EPPK1: variants seen among roughly 807,000 people sequenced by gnomAD.
EPPK1 encodes epiplakin.
For synonymous variants in EPPK1, 1,862 were observed against 1,721.2 expected (o/e 1.08, Z -2.03); for missense variants, 3,823 against 3,673.3 (o/e 1.04, Z -1.05).
chr8:143,867,266 C>T lies in EPPK1; in HGVS notation c.5988G>A (p.Gln1996=), dbSNP rs781951419. The change falls in exon 2 of 2, where the codon CAG becomes CAA. Residue 1996 remains glutamine (Q), a synonymous_variant. Transcript: ENST00000615648. ...TIPLFQAMQK[Q]LIEKAEALRL... ...TCAGTGCCTCCGCCTTCTCGATGAG[C>T]TGCTTCTGCATGGCCTGGAACAGCG... 6.8e-6 allele frequency: 11 copies of T among 1,612,386 alleles called. No individual in the cohort carries two copies. Among genetic ancestry groups the T allele is most frequent in the Admixed American group, 1.7e-5 (1 of 59,982 alleles).
rs782367356 is a variant in EPPK1 at position 143,871,449 on chromosome 8, A to G, written c.1805T>C (p.Val602Ala). The change falls in exon 2 of 2, where the codon GTG becomes GCG. Residue 602 changes from valine to alanine, a missense_variant. Transcript: ENST00000615648. The stretch of plus-strand genomic sequence containing the variant: ...GCCCGTACCCTGCAGGTACCTCTGC[A>G]CCGAGGCCAGGCTGCCCACATCCTT... ...TAKDVGSLAS[V>A]QRYLQGTGCI... The G allele has an allele frequency of 1.2e-6, 2 of 1,606,494 alleles. No homozygotes were observed. Among genetic ancestry groups the G allele is most frequent in the East Asian group, 4.5e-5 (2 of 44,620 alleles).
chr8:143,868,161 C>G lies in EPPK1; in HGVS notation c.5093G>C (p.Arg1698Pro). 6.2e-7 allele frequency: 1 copy of G among 1,613,134 alleles called. No homozygotes were observed. Among genetic ancestry groups the G allele is most frequent in the Non-Finnish European group, 8.5e-7 (1 of 1,180,014 alleles). ...GGIIDPVHSHRVPVDVAYRCG... is the reference protein window; with the variant it reads ...GGIIDPVHSHPVPVDVAYRCG... ...GCGGTAGGCCACGTCCACGGGCACGCGGTGGCTGTGCACGGGGTCGATGAT... is the reference window on the plus strand; with the variant it reads ...GCGGTAGGCCACGTCCACGGGCACGGGGTGGCTGTGCACGGGGTCGATGAT... The change falls in exon 2 of 2, where the codon CGC becomes CCC. Residue 1698 changes from arginine (R) to proline (P), a missense_variant. Arg to Pro is a moderately radical substitution (Grantham distance 103). Transcript: ENST00000615648.
Position 143,869,614 on chromosome 8 carries a change from T to G in EPPK1, c.3640A>C (p.Ile1214Leu). Residue 1214 changes from isoleucine to leucine, a missense_variant, in exon 2 of 2, where the codon ATC (isoleucine) becomes CTC (leucine). Ile to Leu is a conservative substitution (Grantham distance 5). Transcript: ENST00000615648. ...PAVWLLDAGIITQETLEALAQ... is the reference protein window; with the variant it reads ...PAVWLLDAGILTQETLEALAQ... ...AGGGCCTCAAGGGTCTCCTGGGTGA[T>G]GATGCCAGCATCCAGCAGCCAGACA... 1 of 1,577,008 alleles carries G rather than the reference T, an allele frequency of 6.3e-7. No homozygotes were observed. Among genetic ancestry groups the G allele is most frequent in the East Asian group, 2.3e-5 (1 of 43,556 alleles).
rs782546455 is a variant in EPPK1 at position 143,873,228 on chromosome 8, AG to A, written c.25del (p.Leu9PhefsTer35). 3 of 1,572,866 alleles carry A rather than the reference AG, an allele frequency of 1.9e-6. No individual in the cohort carries two copies. In the Admixed American group the frequency reaches 5.8e-5, roughly 31 times the overall value. On this transcript the variant is annotated frameshift_variant, in exon 2 of 2. Transcript: ENST00000615648. LOFTEE classifies it low-confidence loss of function (END_TRUNC). ...TGTGCTGTTGGTGCCTGGGACGGGAAGAGGAGGCAAGGTGTGGCCACTCATC... is the reference window on the plus strand; with the variant it reads ...TGTGCTGTTGGTGCCTGGGACGGGAAAGGAGGCAAGGTGTGGCCACTCATC... Reference protein sequence around the residue: MSGHTLPPLPVPGTNSTEQ... With the variant: MSGHTLPPXPVPGTNSTEQ...
In EPPK1 at chr8:143,869,378, G is replaced by A; in HGVS notation, c.3876C>T (p.Pro1292=). The part of the protein sequence containing the change: ...AQVASGFLVD[P]LNNQRLSVED... Reference sequence around the variant, plus strand: ...CCACTGACAGTCTCTGGTTGTTCAGGGGGTCAACAAGGAAGCCAGATGCCA... The same window carrying A: ...CCACTGACAGTCTCTGGTTGTTCAGAGGGTCAACAAGGAAGCCAGATGCCA... The change falls in exon 2 of 2, where the codon CCC becomes CCT. Residue 1292 remains proline (P), a synonymous_variant. Coordinates refer to ENST00000615648, the MANE Select transcript of EPPK1 (RefSeq NM_031308.4). The A allele has an allele frequency of 1.2e-6, 2 of 1,610,574 alleles. No individual in the cohort carries two copies. The highest frequency in any genetic ancestry group is 2.2e-5 in the East Asian group (1 of 44,866).
In EPPK1 at chr8:143,865,417, G is replaced by A. The variant is rs1207176793; in HGVS notation, c.7837C>T (p.Arg2613Ter). 2.7e-4 allele frequency: 74 copies of A among 275,478 alleles called. No homozygotes were observed. In the African/African-American group the frequency reaches 4.6e-3, roughly 17 times the overall value. 17.1% of individuals were successfully genotyped at this position (275,478 alleles called of 1,614,324 possible). The stretch of plus-strand genomic sequence containing the variant: ...GTCTCGCCCTCCCCCTGGCCCTCTC[G>A]CTGGGAGCGCCCCGAGTCGCCGTCC... ...RGDGDSGRSQ[R>*]EGQGEGETQE... The change falls in exon 2 of 2, where the codon CGA becomes TGA. Residue 2613 changes from arginine to a stop codon, truncating the protein, a stop_gained. Coordinates refer to ENST00000615648, the MANE Select transcript of EPPK1 (RefSeq NM_031308.4). LOFTEE classifies it low-confidence loss of function (END_TRUNC).
intron 1 of EPPK1, among the ~76,000 whole-genome samples, chr8:143,873,920 A>C (rs1432590324): frequency 6.6e-6 from 1 of 152,092 alleles, no homozygotes; most frequent in Non-Finnish European, 1.5e-5. Context: ...AGGCTCCAGC[A>C]AGACCCCAGC....
rs782591671 is a variant in EPPK1, at chr8:143,871,882, C to T, written c.1372G>A (p.Asp458Asn). The change falls in exon 2 of 2, where the codon GAC (aspartate) becomes AAC (asparagine). Residue 458 changes from aspartate to asparagine, a missense_variant. Coordinates refer to ENST00000615648, the MANE Select transcript of EPPK1 (RefSeq NM_031308.4). ...YEQLLALCVT[D>N]PETGLAFLPL... ...AGGAAGGCAAGCCCGGTCTCTGGGT[C>T]GGTGACACAGAGGGCCAGCAGCTGT... 3.1e-5 allele frequency: 50 copies of T among 1,610,030 alleles called. No homozygotes were observed. Among genetic ancestry groups the T allele is most frequent in the Non-Finnish European group, 3.9e-5 (46 of 1,179,768 alleles).
chr8:143,877,401 G>C (rs1819502822), intron 1 of EPPK1, among the ~76,000 whole-genome samples: 2 of 152,188 alleles, frequency 1.3e-5, no homozygotes, highest in South Asian at 2.1e-4. Flanking sequence ...AGAGCACGGG[G>C]TCAGGGTTAG....
Position 143,873,249 on chromosome 8 carries a change from C to T in EPPK1, c.5G>A (p.Ser2Asn). The change falls in exon 2 of 2, where the codon AGT (serine) becomes AAT (asparagine). Residue 2 changes from serine (S) to asparagine (N), a missense_variant. Coordinates refer to ENST00000615648, the MANE Select transcript of EPPK1 (RefSeq NM_031308.4). ...GGGAAGAGGAGGCAAGGTGTGGCCA[C>T]TCATCACACACGGCTGGTTATGCAG... M[S>N]GHTLPPLPVP... 2.6e-6 allele frequency: 4 copies of T among 1,556,574 alleles called. No homozygotes were observed.
At position 143,872,300 on chromosome 8, in the gene EPPK1, G is replaced by A. The variant is rs371861329; in HGVS notation, c.954C>T (p.Leu318=). Residue 318 remains leucine, a synonymous_variant, in exon 2 of 2, where the codon CTC becomes CTT. Coordinates refer to ENST00000615648, the MANE Select transcript of EPPK1 (RefSeq NM_031308.4). ...TGTGGGTGGCAGCCTGGGCCTCTAG[G>A]AGTGGCAGCGCGGTGCCCATTGGGA... ...HLLPMGTALP[L]LEAQAATHTL... 1 of 1,602,846 alleles carries A rather than the reference G, an allele frequency of 6.2e-7. No individual in the cohort carries two copies. Among genetic ancestry groups the A allele is most frequent in the East Asian group, 2.2e-5 (1 of 44,660 alleles).
rs782652852 is a variant in EPPK1, at chr8:143,872,670, G to A, written c.584C>T (p.Thr195Ile). The A allele has an allele frequency of 1.2e-6, 2 of 1,608,008 alleles. No individual in the cohort carries two copies. Among genetic ancestry groups the A allele is most frequent in the Non-Finnish European group, 1.7e-6 (2 of 1,178,582 alleles). ...GGGGTCGAGGAAGCGCAGGTCACCT[G>A]TGCCAGGCTCAAGCTCTGACAGCTT... ...WHKLSELEPG[T>I]GDLRFLDPNT... Residue 195 changes from threonine to isoleucine, a missense_variant, in exon 2 of 2, where the codon ACA becomes ATA. Coordinates refer to ENST00000615648, the MANE Select transcript of EPPK1 (RefSeq NM_031308.4).
rs781933575 is a variant in EPPK1, at chr8:143,867,959, G to T, written c.5295C>A (p.Asn1765Lys). ...YLLQIIKKGE[N>K]YVYINEATRH... is the part of the protein sequence containing the mutation. ...TCGTGGCCTCATTGATGTACACGTAGTTTTCTCCTTTCTTTATGATTTGTA... is the reference window on the plus strand; with the variant it reads ...TCGTGGCCTCATTGATGTACACGTATTTTTCTCCTTTCTTTATGATTTGTA... The change falls in exon 2 of 2, where the codon AAC becomes AAA. Residue 1765 changes from asparagine to lysine, a missense_variant. Transcript: ENST00000615648. 9.0e-5 allele frequency: 145 copies of T among 1,613,540 alleles called. 2 individuals are homozygous for T. In the East Asian group the frequency reaches 1.0e-3, roughly 11 times the overall value.
chr8:143,877,448 C>G (rs901904113), intron 1 of EPPK1, among the ~76,000 whole-genome samples: 1 of 152,274 alleles, frequency 6.6e-6, no homozygotes, highest in South Asian at 2.1e-4. Context: ...CAGATTTCCC[C>G]GGAGCCTGAG....
At position 143,873,152 on chromosome 8, in the gene EPPK1, C is replaced by G; in HGVS notation, c.102G>C (p.Thr34=). 6.3e-7 allele frequency: 1 copy of G among 1,588,652 alleles called. No homozygotes were observed. The highest frequency in any genetic ancestry group is 1.3e-5 in the African/African-American group (1 of 74,408). The change falls in exon 2 of 2, where the codon ACG becomes ACC. Residue 34 remains threonine, a synonymous_variant. Transcript: ENST00000615648. The part of the protein sequence containing the change: ...RAMAATLGAG[T]PPRPQARSIA... ...TGCTCCTGGCCTGGGGCCTGGGGGGCGTGCCGGCTCCCAGCGTGGCTGCCA... is the reference window on the plus strand; with the variant it reads ...TGCTCCTGGCCTGGGGCCTGGGGGGGGTGCCGGCTCCCAGCGTGGCTGCCA...
chr8:143,870,788 C>G lies in EPPK1; in HGVS notation c.2466G>C (p.Lys822Asn). 1.2e-6 allele frequency: 2 copies of G among 1,612,760 alleles called. No homozygotes were observed. Among genetic ancestry groups the G allele is most frequent in the Non-Finnish European group, 1.7e-6 (2 of 1,179,864 alleles). Residue 822 changes from lysine (K) to asparagine (N), a missense_variant, in exon 2 of 2, where the codon AAG becomes AAC. By Grantham distance (94) the Lys-to-Asn change is moderately conservative. Coordinates refer to ENST00000615648, the MANE Select transcript of EPPK1 (RefSeq NM_031308.4). This position sits in a 1 kb window ranked among gnomAD's most constrained non-coding sequence, Gnocchi z 5.2. Reference sequence around the variant, plus strand: ...CCCTCTGCCCCTGAAACCGTCCATACTTCACGGAGAGCAGCAGGTTCTGGA... The same window carrying G: ...CCCTCTGCCCCTGAAACCGTCCATAGTTCACGGAGAGCAGCAGGTTCTGGA... ...QAFQNLLLSV[K>N]YGRFQGQRVS...
At position 143,870,259 on chromosome 8, in the gene EPPK1, C is replaced by A; in HGVS notation, c.2995G>T (p.Gly999Cys). ...RRGVVGPELY[G>C]RLKRAEGAIA... ...GCACCCTCAGCCCGCTTCAGCCTGCCATACAGCTCCGGCCCCACCACACCC... is the reference window on the plus strand; with the variant it reads ...GCACCCTCAGCCCGCTTCAGCCTGCAATACAGCTCCGGCCCCACCACACCC... Residue 999 changes from glycine (G) to cysteine (C), a missense_variant, in exon 2 of 2, where the codon GGC (glycine) becomes TGC (cysteine). Gly to Cys is a radical substitution (Grantham distance 159). Transcript: ENST00000615648. The surrounding 1 kb of genome is among the most constrained non-coding windows in gnomAD (Gnocchi z 5.2). 6.3e-7 allele frequency: 1 copy of A among 1,598,660 alleles called. No homozygotes were observed. Among genetic ancestry groups the A allele is most frequent in the South Asian group, 1.1e-5 (1 of 89,148 alleles).
chr8:143,879,118 G>C (rs1352815879), upstream of EPPK1, among the ~76,000 whole-genome samples: 3 of 152,322 alleles, frequency 2.0e-5, no homozygotes, highest in African/African-American at 4.8e-5. Flanking sequence ...AGAGACACTG[G>C]GCATGGAGGC....
rs1230678951 is a variant in EPPK1 at position 143,857,750 on chromosome 8, A to G, written c.*237T>C. 2 of 427,496 alleles carry G rather than the reference A, an allele frequency of 4.7e-6. No individual in the cohort carries two copies. Among genetic ancestry groups the G allele is most frequent in the Admixed American group, 7.8e-5 (2 of 25,704 alleles). 26.5% of individuals were successfully genotyped at this position (427,496 alleles called of 1,614,324 possible). A position where few individuals can be genotyped will look rare whatever the true frequency, so the allele number is the denominator to read the frequency against. ...AAAACGAAAAAGGAGAGAAAAGTAAAACCATATGACACATAGACGACCCAG... is the reference window on the plus strand; with the variant it reads ...AAAACGAAAAAGGAGAGAAAAGTAAGACCATATGACACATAGACGACCCAG... On this transcript the variant is annotated 3_prime_UTR_variant, in exon 2 of 2. Transcript: ENST00000615648.
Sources: allele counts gnomAD v4.1 joint callset (sites outside exome capture counted in the v4.1 genomes callset), GRCh38; gene constraint gnomAD v4.1.1; non-coding constraint Gnocchi (gnomAD v3.1); transcripts MANE v1.5; gene names NCBI Gene and HGNC (gene_info 2026-07-23, HGNC 2026-07-21).